FOXP1: variants seen among roughly 807,000 people sequenced by gnomAD.
FOXP1 encodes forkhead box P1, also known as forkhead box protein P1.
FOXP1 carries 15 observed loss-of-function variants against 98.2 expected under a neutral mutation model. That is an observed-to-expected ratio of 0.15 (90% CI 0.10 to 0.24). The LOEUF (loss-of-function observed/expected upper bound fraction) is 0.24. Ranked by LOEUF, FOXP1 falls within the 10% of genes least tolerant of loss-of-function variation. The probability of loss-of-function intolerance (pLI) is 1.00; values close to 1 mark genes in which losing one functional copy is unlikely to be tolerated. For synonymous variants in FOXP1, 371 were observed against 314.5 expected, an observed-to-expected ratio of 1.18 and a Z score of -1.90; for missense variants, 633 against 848.5, an observed-to-expected ratio of 0.75 and a Z score of 3.15.
chr3:71,521,284 T>A (rs1221103001), intron 2 of FOXP1, among the ~76,000 whole-genome samples: 2 of 152,096 alleles, frequency 1.3e-5, no homozygotes, highest in East Asian at 3.9e-4. Context: ...GTAATCCCAG[T>A]ACTTTGGGAG....
chr3:71,482,108 G>A (rs536757730), intron 3 of FOXP1, among the ~76,000 whole-genome samples: 7 of 152,118 alleles, frequency 4.6e-5, no homozygotes, highest in Non-Finnish European at 8.8e-5. Flanking sequence ...ACACGCACAT[G>A]TCGCCTGCTG....
chr3:71,251,763 T>C (rs1444350983), intron 5 of FOXP1, among the ~76,000 whole-genome samples: 1 of 152,234 alleles, frequency 6.6e-6, no homozygotes, highest in Non-Finnish European at 1.5e-5. Context: ...TTAGCAATGA[T>C]ATGAGAATCC....
At chr3:71,142,063 G>A (rs749373984) in intron 6 of FOXP1, among the ~76,000 whole-genome samples, 2 of 151,990 alleles carry the variant, frequency 1.3e-5, no homozygotes, top group Non-Finnish European at 2.9e-5. Flanking sequence ...ACCCTTTTAA[G>A]GTAAACAGAA....
intron 6 of FOXP1, among the ~76,000 whole-genome samples, chr3:71,187,084 G>T (rs936431557): frequency 6.6e-6 from 1 of 152,240 alleles, no homozygotes; most frequent in Non-Finnish European, 1.5e-5. Flanking sequence ...CTGATTCCTG[G>T]TGTAGTCTGC....
At chr3:71,070,266 C>A (rs150297356) in intron 7 of FOXP1, among the ~76,000 whole-genome samples, 135 of 152,318 alleles carry the variant, frequency 8.9e-4, no homozygotes, top group African/African-American at 2.6e-3. Flanking sequence ...TGCCTCCTCG[C>A]TCACAGCAGG....
intron 3 of FOXP1, among the ~76,000 whole-genome samples, chr3:71,365,056 G>A (rs2078824910): frequency 6.6e-6 from 1 of 152,218 alleles, no homozygotes; most frequent in Non-Finnish European, 1.5e-5. Context: ...ACAAGTGGGT[G>A]TTGTTGTGTT....
At chr3:71,081,722 T>A (rs2054441484) in intron 7 of FOXP1, among the ~76,000 whole-genome samples, 1 of 152,180 alleles carries the variant, frequency 6.6e-6, no homozygotes, top group South Asian at 2.1e-4. Context: ...AACTAAGTAT[T>A]ACTCACCAAA....
chr3:71,400,682 G>A (rs970842691), intron 3 of FOXP1, among the ~76,000 whole-genome samples: 1 of 152,134 alleles, frequency 6.6e-6, no homozygotes, highest in Non-Finnish European at 1.5e-5. Context: ...AATGCTTTGT[G>A]TGGACTTTCA....
At chr3:71,007,869 G>C (rs1040829293) in intron 12 of FOXP1, among the ~76,000 whole-genome samples, 1 of 152,168 alleles carries the variant, frequency 6.6e-6, no homozygotes, top group Non-Finnish European at 1.5e-5. Flanking sequence ...AAGGGTCAAA[G>C]TTCCATTTCT....
chr3:71,307,633 T>TA (rs1175506899), intron 4 of FOXP1, among the ~76,000 whole-genome samples: 2 of 152,154 alleles, frequency 1.3e-5, no homozygotes, highest in Non-Finnish European at 2.9e-5. Flanking sequence ...TTGCTGCAAA[T>TA]AAACCACAAA....
chr3:71,384,179 G>A lies in FOXP1; in HGVS notation c.-167-24935C>T, dbSNP rs147279360. Among the ~76,000 whole-genome samples, 465 of 152,172 alleles carry A rather than the reference G, an allele frequency of 3.1e-3. 4 individuals are homozygous for A. The highest frequency in any genetic ancestry group is 6.8e-3 in the Middle Eastern group (2 of 294). On this transcript the variant is annotated intron_variant, in intron 3 of 20. Transcript: ENST00000649528. The stretch of plus-strand genomic sequence containing the variant: ...AGGTTGCAGTGAGCTGAGATCGCCC[G>A]TTGCAATCTGGGCAACAGAGTGGGA...
intron 2 of FOXP1, among the ~76,000 whole-genome samples, chr3:71,535,766 G>C (rs961644288): frequency 6.6e-6 from 1 of 152,136 alleles, no homozygotes; most frequent in African/African-American, 2.4e-5. Context: ...AGAGAACTCT[G>C]TTCAGGCTCC....
chr3:71,432,866 A>AAAAAAAAAAAAAAC (rs142495025), intron 3 of FOXP1, among the ~76,000 whole-genome samples: 1 of 138,462 alleles, frequency 7.2e-6, no homozygotes. Flanking sequence ...AAAAAAAAAA[A>AAAAAAAAAAAAAAC]TTAAAAAAAA....
intron 3 of FOXP1, among the ~76,000 whole-genome samples, chr3:71,415,878 A>C (rs1041621388): frequency 1.3e-5 from 2 of 152,208 alleles, no homozygotes; most frequent in African/African-American, 4.8e-5. Flanking sequence ...TAAACCACTT[A>C]AAGAGTAACC....
chr3:71,002,252 A>G (rs2042211791), intron 12 of FOXP1, among the ~76,000 whole-genome samples: 1 of 152,186 alleles, frequency 6.6e-6, no homozygotes, highest in Admixed American at 6.5e-5. Context: ...TCATGTCCTA[A>G]AACTACTTGT....
chr3:70,993,546 A>G (rs542875808), intron 13 of FOXP1, among the ~76,000 whole-genome samples: 1 of 152,352 alleles, frequency 6.6e-6, no homozygotes, highest in East Asian at 1.9e-4. Context: ...TCTGGGAGGG[A>G]TCCCTGCAAA....
chr3:71,302,581 A>G (rs978613524), intron 4 of FOXP1: 1 of 149,938 alleles, frequency 6.7e-6, no homozygotes, highest in African/African-American at 2.4e-5. Context: ...GTCTTCTTTT[A>G]AAAAATGCTG....
At chr3:71,155,101 C>T (rs915149165) in intron 6 of FOXP1, among the ~76,000 whole-genome samples, 2 of 152,098 alleles carry the variant, frequency 1.3e-5, no homozygotes, top group African/African-American at 4.8e-5. Flanking sequence ...GAGAGGCAAG[C>T]CACAAACAAA....
chr3:71,143,387 C>T (rs2060161633), intron 6 of FOXP1, among the ~76,000 whole-genome samples: 1 of 152,078 alleles, frequency 6.6e-6, no homozygotes, highest in Non-Finnish European at 1.5e-5. Flanking sequence ...GCATGAGGTC[C>T]CTGGTGAGGA....
Sources: gnomAD v4.1 joint callset for allele counts (sites outside exome capture counted in the v4.1 genomes callset) on GRCh38, gnomAD v4.1.1 for gene constraint, MANE v1.5 for transcripts, NCBI Gene and HGNC (gene_info 2026-07-23, HGNC 2026-07-21) for gene names.